The following FAM20A variants were observed in gnomAD, a reference collection of about 807,000 sequenced individuals.
FAM20A encodes pseudokinase FAM20A.
A neutral mutation model predicts 52.0 loss-of-function variants in FAM20A; 42 were observed. That is an observed-to-expected ratio of 0.81 (90% CI 0.63 to 1.04). The LOEUF (loss-of-function observed/expected upper bound fraction) is 1.04, where lower values mean the gene tolerates loss of function less well. FAM20A is among the 50% of genes least tolerant of loss of function. FAM20A has a pLI of 0.00. For missense variants in FAM20A, 742 were observed against 712.7 expected (o/e 1.04, Z -0.47); for synonymous variants, 304 against 298.9 (o/e 1.02, Z -0.18).
Position 68,585,713 on chromosome 17 carries a change from C to A in FAM20A, c.404+14550G>T, listed in dbSNP as rs187741636. 1.9e-4 allele frequency among the ~76,000 whole-genome samples: 29 copies of A among 152,282 alleles called. 2 individuals carry two copies. The highest frequency in any genetic ancestry group is 7.0e-4 in the African/African-American group (29 of 41,558). On this transcript the variant is annotated intron_variant, in intron 1 of 10. Coordinates refer to ENST00000592554, the MANE Select transcript of FAM20A (RefSeq NM_017565.4). ...CTCTGGAGCCTCAGCAATTTAAATTCTCTCCTGAGATGAGACAAGAAAGCA... is the reference window on the plus strand; with the variant it reads ...CTCTGGAGCCTCAGCAATTTAAATTATCTCCTGAGATGAGACAAGAAAGCA...
intron 7 of FAM20A, chr17:68,541,353 C>CA (rs1308335034): frequency 8.0e-6 from 2 of 249,410 alleles, no homozygotes; most frequent in African/African-American, 4.5e-5. Context: ...CTCTCTCACA[C>CA]ATGGTTTTCT....
In FAM20A at chr17:68,585,451, ATT is replaced by A. The variant is rs11301516; in HGVS notation, c.404+14810_404+14811del. Among the ~76,000 whole-genome samples, 411 of 150,538 alleles carry A rather than the reference ATT, an allele frequency of 2.7e-3. 4 individuals are homozygous for A. The highest frequency in any genetic ancestry group is 9.5e-3 in the African/African-American group (389 of 41,004). On this transcript the variant is annotated intron_variant, in intron 1 of 10. Transcript: ENST00000592554. ...TTCCACCAATACCATGGCTTTATTT[ATT>A]TTTTTTTTAGGTTTTATGTAAATTT... is the stretch of plus-strand genomic sequence containing the variant.
At chr17:68,548,298 G>A (rs954460934) in intron 4 of FAM20A, among the ~76,000 whole-genome samples, 1 of 151,902 alleles carries the variant, frequency 6.6e-6, no homozygotes, top group Non-Finnish European at 1.5e-5. Context: ...GGGAGGCTGA[G>A]GTGGGCGGAT....
intron 1 of FAM20A, among the ~76,000 whole-genome samples, chr17:68,584,317 AAAAAC>A (rs908127396): frequency 4.1e-5 from 5 of 123,040 alleles, no homozygotes; most frequent in Admixed American, 8.5e-5. Context: ...ACTCCATCTC[AAAAAC>A]AAAACAAAAC....
rs1166253226 is a variant in FAM20A at position 68,548,806 on chromosome 17, C to A, written c.719+3067G>T. Among the ~76,000 whole-genome samples the A allele has an allele frequency of 5.0e-5, 7 of 139,904 alleles. No individual in the cohort carries two copies. In the South Asian group the frequency reaches 1.4e-3, roughly 29 times the overall value. The allele number at this position is 139,904 out of a possible 152,430, so 91.8% of individuals were successfully genotyped here. A position where few individuals can be genotyped will look rare whatever the true frequency, so the allele number is the denominator to read the frequency against. Reference sequence around the variant, plus strand: ...GGAGTGCAGTGGCTCGATCTTGGCTCACTGCAAGCTCCGCCTCCCGGGTTC... The same window carrying A: ...GGAGTGCAGTGGCTCGATCTTGGCTAACTGCAAGCTCCGCCTCCCGGGTTC... On this transcript the variant is annotated intron_variant, in intron 4 of 10. Coordinates refer to ENST00000592554, the MANE Select transcript of FAM20A (RefSeq NM_017565.4).
intron 1 of FAM20A, among the ~76,000 whole-genome samples, chr17:68,566,376 G>C (rs553166480): frequency 6.6e-6 from 1 of 152,302 alleles, no homozygotes; most frequent in African/African-American, 2.4e-5. Context: ...GAAGTTGGAA[G>C]CTCTCCACTA....
chr17:68,599,821 G>C (rs1381831434), intron 1 of FAM20A, among the ~76,000 whole-genome samples: 1 of 152,192 alleles, frequency 6.6e-6, no homozygotes, highest in African/African-American at 2.4e-5. Context: ...GCACAGTTAA[G>C]TGCTGAATTT....
At position 68,537,727 on chromosome 17, in the gene FAM20A, GT is replaced by G; in HGVS notation, c.1375del (p.Thr459HisfsTer18). On this transcript the variant is annotated frameshift_variant, in exon 11 of 11. Coordinates refer to ENST00000592554, the MANE Select transcript of FAM20A (RefSeq NM_017565.4). LOFTEE classifies it low-confidence loss of function (END_TRUNC). This position sits in a 1 kb window ranked among gnomAD's most constrained non-coding sequence, Gnocchi z 4.2. ...LSQCCMIKKKTLLHLQLLAQA... is the reference protein window; with the variant it reads ...LSQCCMIKKKXLLHLQLLAQA... ...GGCCAGCAGCTGCAGGTGCAAAAGT[GT>G]TTTCTTTTTTATCCTGAAAAGACAA... The G allele has an allele frequency of 6.2e-7, 1 of 1,611,892 alleles. No individual in the cohort carries two copies. The highest frequency in any genetic ancestry group is 8.5e-7 in the Non-Finnish European group (1 of 1,178,940).
chr17:68,559,817 G>A (rs115421617), intron 1 of FAM20A, among the ~76,000 whole-genome samples: 369 of 152,028 alleles, frequency 2.4e-3, no homozygotes, highest in African/African-American at 8.5e-3. Flanking sequence ...TATAAAATCC[G>A]CACTGTTCTG....
At chr17:68,567,952 C>T (rs376148058) in intron 1 of FAM20A, among the ~76,000 whole-genome samples, 2 of 152,082 alleles carry the variant, frequency 1.3e-5, no homozygotes, top group South Asian at 2.1e-4. Context: ...TTATAAGTTT[C>T]CTGAGGCTCC....
chr17:68,588,521 C>T (rs1182122117), intron 1 of FAM20A, among the ~76,000 whole-genome samples: 1 of 152,190 alleles, frequency 6.6e-6, no homozygotes, highest in Non-Finnish European at 1.5e-5. Flanking sequence ...TGTATTTTCC[C>T]ACAGTTCTGG....
At chr17:68,598,343 A>G (rs1264790881) in intron 1 of FAM20A, among the ~76,000 whole-genome samples, 1 of 152,162 alleles carries the variant, frequency 6.6e-6, no homozygotes, top group Non-Finnish European at 1.5e-5. Flanking sequence ...GTAACAACAC[A>G]TCTGCTTATT....
chr17:68,592,067 A>T (rs962517681), intron 1 of FAM20A, among the ~76,000 whole-genome samples: 3 of 152,142 alleles, frequency 2.0e-5, no homozygotes, highest in Non-Finnish European at 2.9e-5. Flanking sequence ...TTAAGGGAAA[A>T]ATGGACCTCA....
rs531535644 is a variant in FAM20A, at chr17:68,552,086, C to G, written c.641-135G>C. ...GACCCTAAAGACTAGGATGTGCTCT[C>G]CATAGCCTGCAGGGTAAACGCCATG... On this transcript the variant is annotated intron_variant, in intron 3 of 10. Coordinates refer to ENST00000592554, the MANE Select transcript of FAM20A (RefSeq NM_017565.4). 4.7e-4 allele frequency: 326 copies of G among 689,442 alleles called. 4 individuals carry two copies. Among genetic ancestry groups the G allele is most frequent in the South Asian group, 3.8e-3 (256 of 66,550 alleles). 42.7% of individuals were successfully genotyped at this position (689,442 alleles called of 1,614,324 possible).
intron 4 of FAM20A, among the ~76,000 whole-genome samples, chr17:68,550,774 G>A (rs1213953504): frequency 6.6e-6 from 1 of 152,174 alleles, no homozygotes; most frequent in Non-Finnish European, 1.5e-5. Context: ...ACTCCCTGAG[G>A]GTGGGACTCA....
intron 1 of FAM20A, among the ~76,000 whole-genome samples, chr17:68,588,127 T>TTA (rs2088208441): frequency 7.1e-6 from 1 of 141,774 alleles, no homozygotes. Flanking sequence ...GCTTTTGACG[T>TTA]AAAAAAAAAA....
intron 4 of FAM20A, among the ~76,000 whole-genome samples, chr17:68,550,505 C>G (rs371707152): frequency 1.3e-5 from 2 of 151,002 alleles, no homozygotes; most frequent in Non-Finnish European, 2.9e-5. Flanking sequence ...CTCAGCCTCT[C>G]GAGTAGCTGG....
intron 1 of FAM20A, among the ~76,000 whole-genome samples, chr17:68,584,144 C>T (rs1217688546): frequency 6.6e-6 from 1 of 151,812 alleles, no homozygotes; most frequent in Non-Finnish European, 1.5e-5. Flanking sequence ...CGGTGAAACC[C>T]TGCCTCTACT....
At chr17:68,565,501 C>A (rs1598042418) in intron 1 of FAM20A, among the ~76,000 whole-genome samples, 1 of 143,386 alleles carries the variant, frequency 7.0e-6, no homozygotes, top group East Asian at 2.2e-4. Flanking sequence ...TCAGGCAATT[C>A]TCCTGCATTA....
Sources: allele counts gnomAD v4.1 joint callset (sites outside exome capture counted in the v4.1 genomes callset), GRCh38; gene constraint gnomAD v4.1.1; non-coding constraint Gnocchi (gnomAD v3.1); transcripts MANE v1.5; gene names NCBI Gene and HGNC (gene_info 2026-07-23, HGNC 2026-07-21).